FANCC: variants seen among roughly 807,000 people sequenced by gnomAD.
The protein encoded by FANCC is FA complementation group C.
FANCC carries 55 observed loss-of-function variants against 71.3 expected under a neutral mutation model. The observed-to-expected ratio is 0.77, with a 90% CI of 0.62 to 0.97. The LOEUF (loss-of-function observed/expected upper bound fraction) is 0.97, where lower values mean the gene tolerates loss of function less well. Ranked by LOEUF, FANCC falls within the 50% of genes least tolerant of loss-of-function variation. The pLI, the probability that FANCC is intolerant of heterozygous loss-of-function variation, is 0.00. For missense variants in FANCC, 678 were observed against 670.9 expected, an observed-to-expected ratio of 1.01 and a Z score of -0.12; for synonymous variants, 275 against 244.9, an observed-to-expected ratio of 1.12 and a Z score of -1.15.
At chr9:95,120,049 T>C (rs1018499953) in intron 10 of FANCC, among the ~76,000 whole-genome samples, 2 of 152,310 alleles carry the variant, frequency 1.3e-5, no homozygotes, top group Admixed American at 1.3e-4. Context: ...AATTTATCCA[T>C]TTTTTCCTAT....
intron 1 of FANCC, among the ~76,000 whole-genome samples, chr9:95,303,520 A>G (rs1834881034): frequency 6.6e-6 from 1 of 152,252 alleles, no homozygotes; most frequent in African/African-American, 2.4e-5. Context: ...GGTGGCTTAA[A>G]TAACAGAAAT....
In FANCC at chr9:95,135,474, C is replaced by T. The variant is rs773685532; in HGVS notation, c.715G>A (p.Val239Ile). The T allele has an allele frequency of 6.2e-7, 1 of 1,614,022 alleles. No individual in the cohort carries two copies. Among genetic ancestry groups the T allele is most frequent in the Non-Finnish European group, 8.5e-7 (1 of 1,180,008 alleles). Residue 239 changes from valine to isoleucine, a missense_variant, in exon 8 of 15, where the codon GTA (valine) becomes ATA (isoleucine). Val to Ile is a conservative substitution (Grantham distance 29). Transcript: ENST00000289081. ...LKKISLPMSAVVCLWLRHLPS... is the reference protein window; with the variant it reads ...LKKISLPMSAIVCLWLRHLPS... The stretch of plus-strand genomic sequence containing the variant: ...AGGTGCCGAAGCCAGAGGCAGACTA[C>T]AGCTGACATGGGGAGAGAAATCTTC...
intron 6 of FANCC, among the ~76,000 whole-genome samples, chr9:95,165,362 T>C (rs1485032711): frequency 6.6e-6 from 1 of 151,914 alleles, no homozygotes; most frequent in Non-Finnish European, 1.5e-5. Context: ...ATCCTTCTTA[T>C]TTTCTTTTTT....
chr9:95,164,614 G>T (rs1211632835), intron 6 of FANCC, among the ~76,000 whole-genome samples: 7 of 152,104 alleles, frequency 4.6e-5, no homozygotes, highest in Admixed American at 4.6e-4. Flanking sequence ...ATTTTTGTAT[G>T]TTGAGCCATC....
At chr9:95,170,819 T>C (rs1194910851) in intron 6 of FANCC, among the ~76,000 whole-genome samples, 1 of 152,068 alleles carries the variant, frequency 6.6e-6, no homozygotes, top group Non-Finnish European at 1.5e-5. Context: ...CTACTGTGTA[T>C]GTAGGGCTTT....
chr9:95,220,839 C>T lies in FANCC; in HGVS notation c.345+19810G>A, dbSNP rs185655501. ...ATATGTAACAAACCTGCACGCTGTG[C>T]ACATGTACCCTAGAACTTAAGGCAT... On this transcript the variant is annotated intron_variant, in intron 4 of 14. Transcript: ENST00000289081. 1.2e-3 allele frequency among the ~76,000 whole-genome samples: 183 copies of T among 151,940 alleles called. 2 individuals carry two copies. The highest frequency in any genetic ancestry group is 4.3e-3 in the African/African-American group (178 of 41,412).
At chr9:95,137,118 C>T (rs534937639) in intron 7 of FANCC, among the ~76,000 whole-genome samples, 3 of 152,350 alleles carry the variant, frequency 2.0e-5, no homozygotes, top group South Asian at 2.1e-4. Flanking sequence ...AGCCTCCCAC[C>T]GACCCAACAA....
At chr9:95,254,229 T>C (rs1831520963) in intron 1 of FANCC, among the ~76,000 whole-genome samples, 1 of 152,276 alleles carries the variant, frequency 6.6e-6, no homozygotes, top group South Asian at 2.1e-4. Context: ...ATTTATATGC[T>C]TTTCAATATG....
At position 95,099,324 on chromosome 9, in the gene FANCC, C is replaced by G. The variant is rs1450874399; in HGVS notation, c.*2383G>C. The G allele has an allele frequency of 4.4e-6, 1 of 226,860 alleles. No homozygotes were observed. Among genetic ancestry groups the G allele is most frequent in the Non-Finnish European group, 8.8e-6 (1 of 114,148 alleles). The allele number at this position is 226,860 out of a possible 1,614,324, so 14.1% of individuals were successfully genotyped here. On this transcript the variant is annotated 3_prime_UTR_variant, in exon 15 of 15. Transcript: ENST00000289081. ...CCAGACCCTGTCGCACCTCTGAAGA[C>G]CTTGGTCCAGTTCCTTCCAGGGTGG...
At chr9:95,110,646 CTG>C (rs2071843415) in intron 13 of FANCC, 3 of 1,046,002 alleles carry the variant, frequency 2.9e-6, no homozygotes, top group Admixed American at 5.5e-5. Context: ...CTTTATTAGT[CTG>C]TGTGTTTTCA....
intron 6 of FANCC, among the ~76,000 whole-genome samples, chr9:95,152,923 G>A (rs766616794): frequency 6.6e-6 from 1 of 152,004 alleles, no homozygotes; most frequent in Non-Finnish European, 1.5e-5. Context: ...TAATACCAAC[G>A]ATAGTTGATG....
At chr9:95,119,838 A>G (rs948251336) in intron 10 of FANCC, among the ~76,000 whole-genome samples, 1 of 152,224 alleles carries the variant, frequency 6.6e-6, no homozygotes, top group East Asian at 1.9e-4. Context: ...CAGCCTCCCG[A>G]GTAGCTAGGA....
chr9:95,164,627 T>C (rs1198937964), intron 6 of FANCC, among the ~76,000 whole-genome samples: 40 of 152,166 alleles, frequency 2.6e-4, no homozygotes, highest in Non-Finnish European at 2.9e-5. Flanking sequence ...GAGCCATCCT[T>C]GTATTCAAGG....
intron 1 of FANCC, chr9:95,292,892 C>A: frequency 6.3e-7 from 1 of 1,584,594 alleles, no homozygotes; most frequent in Non-Finnish European, 8.7e-7. Flanking sequence ...TTGCAGAGGA[C>A]TGTGGCAAGA....
intron 4 of FANCC, among the ~76,000 whole-genome samples, chr9:95,215,799 G>C (rs549287364): frequency 6.6e-6 from 1 of 152,222 alleles, no homozygotes; most frequent in African/African-American, 2.4e-5. Flanking sequence ...AGGAAAACTA[G>C]GGAGTAAGCA....
At chr9:95,187,660 C>T (rs1247544873) in intron 4 of FANCC, among the ~76,000 whole-genome samples, 7 of 152,010 alleles carry the variant, frequency 4.6e-5, no homozygotes, top group Non-Finnish European at 8.8e-5. Context: ...AAGTCTGGGG[C>T]TCACCAGCCA....
intron 13 of FANCC, 131 bp from the exon 14 acceptor site, chr9:95,107,400 C>G: frequency 1.0e-6 from 1 of 981,240 alleles, no homozygotes; most frequent in Non-Finnish European, 1.6e-6. Context: ...GGGAGCTAGG[C>G]AGCGGCCGAA....
At chr9:95,264,772 C>T (rs370097581) in intron 1 of FANCC, among the ~76,000 whole-genome samples, 20 of 152,274 alleles carry the variant, frequency 1.3e-4, no homozygotes, top group East Asian at 5.8e-4. Context: ...CAACTAGGGG[C>T]ACCATGACCT....
rs375031645 is a variant in FANCC at position 95,113,161 on chromosome 9, C to T, written c.1154+1468G>A. ...ATTCATGTGGCCAACCCCGCAGCCT[C>T]CATTGGCTGCAGGCCTTTTTTGTCT... On this transcript the variant is annotated intron_variant, in intron 12 of 14. Transcript: ENST00000289081. 5.3e-5 allele frequency among the ~76,000 whole-genome samples: 8 copies of T among 152,282 alleles called. No homozygotes were observed. The East Asian group carries it at 1.5e-3, about 29-fold the overall frequency.
Sources: allele counts gnomAD v4.1 joint callset (sites outside exome capture counted in the v4.1 genomes callset), GRCh38; gene constraint gnomAD v4.1.1; transcripts MANE v1.5; gene names NCBI Gene and HGNC (gene_info 2026-07-23, HGNC 2026-07-21).